Variants in FBXL13 observed in about 807,000 individuals in gnomAD.
The protein encoded by FBXL13 is F-box and leucine rich repeat protein 13.
Under a neutral mutation model 83.6 loss-of-function variants are expected in FBXL13, and 67 were observed. The observed-to-expected ratio is 0.80, with a 90% CI of 0.66 to 0.98. FBXL13 has a LOEUF of 0.98. Ranked by LOEUF, FBXL13 falls within the 50% of genes least tolerant of loss-of-function variation. The pLI is 0.00. For missense variants in FBXL13, 822 were observed against 866.5 expected (o/e 0.95, Z 0.64); for synonymous variants, 272 against 299.5 (o/e 0.91, Z 0.95).
intron 10 of FBXL13, 144 bp from the exon 12 acceptor site, chr7:102,913,359 A>C (rs1427343303): frequency 3.2e-6 from 3 of 933,394 alleles, no homozygotes; most frequent in Non-Finnish European, 4.8e-6. Context: ...TTAACTCTCT[A>C]CCTGTTAATT....
At chr7:103,073,564 TG>T (rs1799252959) in intron 1 of FBXL13, among the ~76,000 whole-genome samples, 1 of 152,194 alleles carries the variant, frequency 6.6e-6, no homozygotes, top group Non-Finnish European at 1.5e-5. Flanking sequence ...TTCTACATAA[TG>T]CCTCATTCGC....
intron 1 of FBXL13, among the ~76,000 whole-genome samples, chr7:103,060,044 ATATATATATATATATATATAC>A (rs1304325563): frequency 6.0e-5 from 6 of 100,772 alleles, no homozygotes; most frequent in Admixed American, 3.6e-4. Context: ...ATATATATAT[ATATATATATATATATATATAC>A]TTTTTTTTTT....
chr7:102,999,405 A>G (rs75768124), intron 6 of FBXL13, among the ~76,000 whole-genome samples: 1,673 of 152,244 alleles, frequency 0.011, 35 homozygotes, highest in African/African-American at 0.039. Flanking sequence ...GTCTGGTTTT[A>G]GTATCGGGAT....
chr7:103,066,536 C>T (rs1452429059), intron 1 of FBXL13, among the ~76,000 whole-genome samples: 3 of 151,880 alleles, frequency 2.0e-5, no homozygotes, highest in Admixed American at 6.6e-5. Flanking sequence ...GGACTACAGG[C>T]GCCCGCCATC....
intron 6 of FBXL13, among the ~76,000 whole-genome samples, chr7:103,015,797 CAAAA>C (rs56376102): frequency 8.7e-6 from 1 of 115,504 alleles, no homozygotes; most frequent in Non-Finnish European, 1.7e-5. Context: ...ACTCTCATCT[CAAAA>C]AAAAAAAAAA....
At chr7:102,890,295 T>A (rs967888079) in intron 11 of FBXL13, among the ~76,000 whole-genome samples, 4 of 152,242 alleles carry the variant, frequency 2.6e-5, no homozygotes, top group Admixed American at 6.5e-5. Flanking sequence ...GTGCATTTTC[T>A]GTGTAGGATT....
intron 8 of FBXL13, among the ~76,000 whole-genome samples, chr7:102,948,446 C>T (rs1690891435): frequency 6.6e-6 from 1 of 151,802 alleles, no homozygotes; most frequent in Admixed American, 6.6e-5. Context: ...TTTTTTGACA[C>T]AGAGTCTCGC....
In FBXL13 at chr7:103,021,235, G is replaced by A. The variant is rs533861320; in HGVS notation, c.495+3828C>T. 4.0e-3 allele frequency among the ~76,000 whole-genome samples: 611 copies of A among 152,182 alleles called. 4 individuals are homozygous for A. The highest frequency in any genetic ancestry group is 6.6e-3 in the Non-Finnish European group (451 of 68,002). ...CTGACAAAAACAAGAAATGGGGAAAGGATTCCCTATTTAATAAATGGTGCT... is the reference window on the plus strand; with the variant it reads ...CTGACAAAAACAAGAAATGGGGAAAAGATTCCCTATTTAATAAATGGTGCT... On this transcript the variant is annotated intron_variant, in intron 6 of 19. Transcript: ENST00000313221.
At chr7:102,992,019 T>C (rs1369994046) in intron 6 of FBXL13, among the ~76,000 whole-genome samples, 1 of 152,152 alleles carries the variant, frequency 6.6e-6, no homozygotes, top group Non-Finnish European at 1.5e-5. Flanking sequence ...AGAATTCTGT[T>C]AATGCTTTGG....
intron 17 of FBXL13, among the ~76,000 whole-genome samples, chr7:102,850,782 C>A (rs1231508048): frequency 6.6e-6 from 1 of 152,138 alleles, no homozygotes; most frequent in Non-Finnish European, 1.5e-5. Flanking sequence ...TTTAACTCTA[C>A]ACTATTAAAT....
chr7:102,935,312 C>T (rs1379885612), intron 8 of FBXL13, among the ~76,000 whole-genome samples: 9 of 121,108 alleles, frequency 7.4e-5, no homozygotes, highest in Admixed American at 2.4e-4. Context: ...AGTGCAGTGG[C>T]GCAATCTTGG....
chr7:102,865,888 C>T (rs936869906), intron 16 of FBXL13, among the ~76,000 whole-genome samples: 8 of 152,142 alleles, frequency 5.3e-5, no homozygotes, highest in African/African-American at 1.9e-4. Flanking sequence ...CTGTATCACC[C>T]AGGCTGATCT....
chr7:102,983,368 C>T (rs1828499392), intron 6 of FBXL13, among the ~76,000 whole-genome samples: 1 of 151,904 alleles, frequency 6.6e-6, no homozygotes, highest in Non-Finnish European at 1.5e-5. Context: ...TCAAGGTCTT[C>T]CCACAAGTCC....
At chr7:103,065,385 A>G (rs181884333) in intron 1 of FBXL13, among the ~76,000 whole-genome samples, 7 of 152,288 alleles carry the variant, frequency 4.6e-5, no homozygotes, top group Non-Finnish European at 1.0e-4. Context: ...CATAAATCTT[A>G]TTAGTATAAT....
At chr7:103,045,731 C>G (rs1009422358) in intron 2 of FBXL13, among the ~76,000 whole-genome samples, 3 of 152,324 alleles carry the variant, frequency 2.0e-5, no homozygotes, top group Middle Eastern at 3.4e-3. Context: ...AGTGAATGAG[C>G]TTAGTCCAAA....
At chr7:102,961,541 C>A (rs1355082845) in intron 8 of FBXL13, among the ~76,000 whole-genome samples, 13 of 144,738 alleles carry the variant, frequency 9.0e-5, no homozygotes, top group African/African-American at 3.1e-4. Context: ...AATCCTAAGC[C>A]AAAAGAACAA....
At chr7:102,987,007 T>A (rs1211398574) in intron 6 of FBXL13, among the ~76,000 whole-genome samples, 1 of 151,802 alleles carries the variant, frequency 6.6e-6, no homozygotes, top group Non-Finnish European at 1.5e-5. Context: ...TTGCAGCAAT[T>A]TGGATGGAAC....
At chr7:102,950,056 G>T (rs1038699492) in intron 8 of FBXL13, among the ~76,000 whole-genome samples, 1 of 152,076 alleles carries the variant, frequency 6.6e-6, no homozygotes, top group Admixed American at 6.6e-5. Flanking sequence ...AGTGAGCCAA[G>T]ATTGTACCAC....
chr7:102,836,975 C>G (rs1802099720), intron 17 of FBXL13, among the ~76,000 whole-genome samples: 1 of 152,206 alleles, frequency 6.6e-6, no homozygotes, highest in Non-Finnish European at 1.5e-5. Flanking sequence ...GTTGGTAATT[C>G]TGGAAAATAT....
Sources: allele counts gnomAD v4.1 joint callset (sites outside exome capture counted in the v4.1 genomes callset), GRCh38; gene constraint gnomAD v4.1.1; transcripts MANE v1.5; gene names NCBI Gene and HGNC (gene_info 2026-07-23, HGNC 2026-07-21).